LRRC9: variants seen among roughly 807,000 people sequenced by gnomAD.
LRRC9 encodes the protein leucine-rich repeat-containing protein 9.
LRRC9 carries 122 observed loss-of-function variants against 63.2 expected under a neutral mutation model. The ratio of observed to expected loss-of-function variants is 1.93; its 90% CI spans 1.67 to 2.24. LRRC9 has a LOEUF of 2.24. Among genes scored for constraint, LRRC9 ranks in the 30% most tolerant of loss-of-function variants. The probability of loss-of-function intolerance (pLI) is 0.00; values close to 1 mark genes in which losing one functional copy is unlikely to be tolerated. For synonymous variants in LRRC9, 366 were observed against 213.1 expected, an observed-to-expected ratio of 1.72 and a Z score of -6.25; for missense variants, 1,071 against 627.7, an observed-to-expected ratio of 1.71 and a Z score of -7.55.
chr14:59,996,331 T>A (rs1403790959), intron 17 of LRRC9, among the ~76,000 whole-genome samples: 2 of 152,222 alleles, frequency 1.3e-5, no homozygotes, highest in East Asian at 3.8e-4. Flanking sequence ...AAAAAGTCAG[T>A]AACTCTGTTC....
chr14:60,026,407 T>A (rs1291643239), intron 27 of LRRC9, among the ~76,000 whole-genome samples: 6 of 152,122 alleles, frequency 3.9e-5, no homozygotes, highest in Non-Finnish European at 8.8e-5. Flanking sequence ...TTTCTTCTTT[T>A]GAGAAATGTC....
intron 10 of LRRC9, among the ~76,000 whole-genome samples, chr14:59,963,314 G>A (rs1226765606): frequency 6.6e-6 from 1 of 151,898 alleles, no homozygotes; most frequent in African/African-American, 2.4e-5. Context: ...TTATTTTATA[G>A]AGACATGCTA....
At chr14:59,968,711 A>G (rs1226143887) in intron 12 of LRRC9, among the ~76,000 whole-genome samples, 1 of 152,192 alleles carries the variant, frequency 6.6e-6, no homozygotes, top group African/African-American at 2.4e-5. Flanking sequence ...ACTATGAACC[A>G]TTATCGGGAG....
rs1271945456 is a variant in LRRC9 at position 59,966,546 on chromosome 14, C to G, written c.1212-43C>G. ...TGTTCTTAAACATTTTAAGGAAAAT[C>G]TATTATTTTCTTCATGTATATTCTG... is the stretch of plus-strand genomic sequence containing the variant. On this transcript the variant is annotated intron_variant, in intron 10 of 31. Coordinates refer to ENST00000445360, the Ensembl canonical transcript of LRRC9. This position sits in a 1 kb window ranked among gnomAD's most constrained non-coding sequence, Gnocchi z 4.0. 6 of 517,880 alleles carry G rather than the reference C, an allele frequency of 1.2e-5. No individual in the cohort carries two copies. Among genetic ancestry groups the G allele is most frequent in the African/African-American group, 7.6e-5 (4 of 52,592 alleles). 32.1% of individuals were successfully genotyped at this position (517,880 alleles called of 1,614,324 possible).
rs369719892 is a variant in LRRC9, at chr14:59,975,034, C to CATAT, written c.1639+341_1639+344dup. Among the ~76,000 whole-genome samples the CATAT allele has an allele frequency of 1.6e-3, 128 of 81,038 alleles. 6 individuals carry two copies. Among genetic ancestry groups the CATAT allele is most frequent in the Middle Eastern group, 8.6e-3 (1 of 116 alleles). 53.2% of individuals were successfully genotyped at this position (81,038 alleles called of 152,430 possible). ...TCACATATATATATATGTGTCACAG[C>CATAT]ATATATATATATATATATGCTGAAC... is the stretch of plus-strand genomic sequence containing the variant. On this transcript the variant is annotated intron_variant, in intron 13 of 31. Coordinates refer to ENST00000445360, the Ensembl canonical transcript of LRRC9.
intron 31 of LRRC9, 32 bp from the exon 33 acceptor site, chr14:60,063,291 C>T: frequency 2.9e-6 from 2 of 697,254 alleles, no homozygotes; most frequent in Non-Finnish European, 5.2e-6. Flanking sequence ...TAAGTCACCA[C>T]TATTTGACTA....
In LRRC9 at chr14:59,942,776, C is replaced by CT. The variant is rs1440781193; in HGVS notation, c.727-1812dup. On this transcript the variant is annotated intron_variant, in intron 7 of 31. Transcript: ENST00000445360. The surrounding 1 kb of genome is among the most constrained non-coding windows in gnomAD (Gnocchi z 5.3). ...TGCATCCTCGCCAGCATCTCTCTCT[C>CT]TCTTTTTTTTTTCTGTCTTTTTGAT... 5.2e-3 allele frequency among the ~76,000 whole-genome samples: 777 copies of CT among 150,734 alleles called. 11 individuals are homozygous for CT. Among genetic ancestry groups the CT allele is most frequent in the African/African-American group, 0.015 (595 of 40,920 alleles).
At position 59,990,833 on chromosome 14, in the gene LRRC9, G is replaced by A. The variant is rs1888009520; in HGVS notation, c.2211+5609G>A. 6.6e-6 allele frequency among the ~76,000 whole-genome samples: 1 copy of A among 152,132 alleles called. No individual in the cohort carries two copies. The highest frequency in any genetic ancestry group is 1.9e-4 in the East Asian group (1 of 5,200). ...CCGGTGAATATTTGTTGACTGTTCT[G>A]GGGCTCTCCTGTTTTCAGGTCCATC... On this transcript the variant is annotated intron_variant, in intron 17 of 31. Coordinates refer to ENST00000445360, the Ensembl canonical transcript of LRRC9. The surrounding 1 kb of genome is among the most constrained non-coding windows in gnomAD (Gnocchi z 4.2).
chr14:59,963,436 C>A (rs745592185), intron 10 of LRRC9, among the ~76,000 whole-genome samples: 4 of 151,700 alleles, frequency 2.6e-5, no homozygotes, highest in Non-Finnish European at 4.4e-5. Context: ...CAAGTAGGGA[C>A]TTCAAAGCAT....
chr14:60,006,830 G>A (rs1889847836), intron 22 of LRRC9: 6 of 331,392 alleles, frequency 1.8e-5, no homozygotes, highest in African/African-American at 1.3e-4. Flanking sequence ...ATCCTTCTGG[G>A]GTAACTTTTT....
In LRRC9 at chr14:60,003,414, AC is replaced by A. The variant is rs1453873313; in HGVS notation, c.2665-205del. ...TCTAGCACATCGCAGTGTCCTTAAT[AC>A]CATATAAGTCCTTCTTGGAGTTATA... is the stretch of plus-strand genomic sequence containing the variant. On this transcript the variant is annotated intron_variant, in intron 20 of 31. Coordinates refer to ENST00000445360, the Ensembl canonical transcript of LRRC9. The surrounding 1 kb of genome is among the most constrained non-coding windows in gnomAD (Gnocchi z 4.2). Among the ~76,000 whole-genome samples the A allele has an allele frequency of 1.3e-5, 2 of 152,204 alleles. No individual in the cohort carries two copies. Among genetic ancestry groups the A allele is most frequent in the Non-Finnish European group, 2.9e-5 (2 of 68,030 alleles).
At chr14:59,973,797 CA>C (rs1885801292) in intron 12 of LRRC9, among the ~76,000 whole-genome samples, 1 of 151,704 alleles carries the variant, frequency 6.6e-6, no homozygotes, top group Non-Finnish European at 1.5e-5. Flanking sequence ...TTGCAGATTT[CA>C]ATTAAAAAAA....
rs117444650 is a variant in LRRC9, at chr14:60,054,620, T to C, written c.4131+1415T>C. On this transcript the variant is annotated intron_variant, in intron 30 of 31. Coordinates refer to ENST00000445360, the Ensembl canonical transcript of LRRC9. Reference sequence around the variant, plus strand: ...GTAGGCAAAATAAGGGTATCATGTCTCCAAAAACAACCAAATAAATAATAC... The same window carrying C: ...GTAGGCAAAATAAGGGTATCATGTCCCCAAAAACAACCAAATAAATAATAC... 3.4e-3 allele frequency among the ~76,000 whole-genome samples: 517 copies of C among 152,298 alleles called. 18 individuals are homozygous for C. In the East Asian group the frequency reaches 0.058, roughly 17 times the overall value.
intron 21 of LRRC9, among the ~76,000 whole-genome samples, chr14:60,005,861 G>T (rs1429761598): frequency 6.6e-6 from 1 of 152,066 alleles, no homozygotes; most frequent in African/African-American, 2.4e-5. Context: ...TAAAGTGCTT[G>T]CAGTACATAA....
intron 29 of LRRC9, among the ~76,000 whole-genome samples, chr14:60,037,111 C>G (rs1019914415): frequency 1.3e-4 from 20 of 152,274 alleles, no homozygotes; most frequent in Non-Finnish European, 2.6e-4. Context: ...TTTTTTATGG[C>G]TGCATAGTAT....
chr14:60,034,857 A>G lies in LRRC9; in HGVS notation c.3990+2794A>G, dbSNP rs140045357. Among the ~76,000 whole-genome samples, 24 of 152,284 alleles carry G rather than the reference A, an allele frequency of 1.6e-4. No homozygotes were observed. The East Asian group carries it at 4.3e-3, about 27-fold the overall frequency. The stretch of plus-strand genomic sequence containing the variant: ...TATTGATTTCCTTCCTTTTAGATAC[A>G]TACCCAGTAGTGGAATGGCTGGATC... On this transcript the variant is annotated intron_variant, in intron 29 of 31. Transcript: ENST00000445360.
intron 29 of LRRC9, among the ~76,000 whole-genome samples, chr14:60,048,153 G>A (rs1290208769): frequency 6.6e-6 from 1 of 152,118 alleles, no homozygotes; most frequent in Non-Finnish European, 1.5e-5. Context: ...AGTGTTAAGA[G>A]GGGAATTTAT....
rs1889513472 is a variant in LRRC9, at chr14:60,003,010, G to A, written c.2665-611G>A. The stretch of plus-strand genomic sequence containing the variant: ...CACTTGCAGCTTCTTGCTACATTAG[G>A]TGTCCTTATACCTCTTGCCAAACAT... On this transcript the variant is annotated intron_variant, in intron 20 of 31. Transcript: ENST00000445360. The surrounding 1 kb of genome is among the most constrained non-coding windows in gnomAD (Gnocchi z 4.2). Among the ~76,000 whole-genome samples, 1 of 152,178 alleles carries A rather than the reference G, an allele frequency of 6.6e-6. No homozygotes were observed. Among genetic ancestry groups the A allele is most frequent in the African/African-American group, 2.4e-5 (1 of 41,456 alleles).
chr14:60,037,298 G>A lies in LRRC9; in HGVS notation c.3990+5235G>A, dbSNP rs112454823. On this transcript the variant is annotated intron_variant, in intron 29 of 31. Coordinates refer to ENST00000445360, the Ensembl canonical transcript of LRRC9. ...ATATGTCCAGTAATGGGATGGCTGG[G>A]TCAAACGGTATTTCTAGTTCTAGAT... is the stretch of plus-strand genomic sequence containing the variant. 6.9e-4 allele frequency among the ~76,000 whole-genome samples: 105 copies of A among 152,320 alleles called. 4 individuals carry two copies. In the Middle Eastern group the frequency reaches 0.02, roughly 30 times the overall value.
Sources: allele counts gnomAD v4.1 joint callset (sites outside exome capture counted in the v4.1 genomes callset), GRCh38; gene constraint gnomAD v4.1.1; non-coding constraint Gnocchi (gnomAD v3.1); transcripts MANE v1.5; gene names NCBI Gene and HGNC (gene_info 2026-07-23, HGNC 2026-07-21).